IGSF21: variants seen among roughly 807,000 people sequenced by gnomAD.
IGSF21 encodes immunoglobulin superfamily member 21.
In IGSF21, 28 loss-of-function variants were observed where a neutral mutation model predicts 46.8. That is an observed-to-expected ratio of 0.60 (90% CI 0.44 to 0.82). The LOEUF is 0.82. Ranked by LOEUF, IGSF21 falls within the 40% of genes least tolerant of loss-of-function variation. The probability of loss-of-function intolerance (pLI) is 0.00; values close to 1 mark genes in which losing one functional copy is unlikely to be tolerated. For synonymous variants in IGSF21, 284 were observed against 273.6 expected, an observed-to-expected ratio of 1.04 and a Z score of -0.38; for missense variants, 624 against 665.5, an observed-to-expected ratio of 0.94 and a Z score of 0.69.
In IGSF21 at chr1:18,109,793, C is replaced by T. The variant is rs185252370; in HGVS notation, c.70+1595C>T. The T allele has an allele frequency of 5.3e-5, 8 of 152,380 alleles. No homozygotes were observed. The East Asian group carries it at 1.5e-3, about 30-fold the overall frequency. The allele number at this position is 152,380 out of a possible 1,614,324, so 9.4% of individuals were successfully genotyped here. A position where few individuals can be genotyped will look rare whatever the true frequency, so the allele number is the denominator to read the frequency against. ...ATGGGGGAGGTCCTCGTTCCAGCGC[C>T]GCCGAGAGGGCACTGGGGTTTGTTG... On this transcript the variant is annotated intron_variant, in intron 1 of 9. Transcript: ENST00000251296. This position sits in a 1 kb window ranked among gnomAD's most constrained non-coding sequence, Gnocchi z 4.8.
At chr1:18,212,850 G>GA (rs5772796) in intron 1 of IGSF21, among the ~76,000 whole-genome samples, 73,771 of 151,742 alleles carry the variant, frequency 0.49, 18,359 homozygotes, top group Non-Finnish European at 0.54. Flanking sequence ...CCAGGGTTAA[G>GA]AAAATGGGAA....
At chr1:18,166,955 T>G (rs1217514847) in intron 1 of IGSF21, 1 of 153,358 alleles carries the variant, frequency 6.5e-6, no homozygotes, top group Non-Finnish European at 1.5e-5. Context: ...CTCTGTCTAC[T>G]CGAGAGTTTC....
chr1:18,255,682 A>G (rs1380276643), intron 2 of IGSF21, among the ~76,000 whole-genome samples: 1 of 151,998 alleles, frequency 6.6e-6, no homozygotes, highest in Non-Finnish European at 1.5e-5. Context: ...ACACACATTG[A>G]GAGTCATCCT....
At chr1:18,129,826 C>T (rs1252444372) in intron 1 of IGSF21, among the ~76,000 whole-genome samples, 4 of 152,150 alleles carry the variant, frequency 2.6e-5, no homozygotes, top group Admixed American at 6.5e-5. Context: ...ACGCGGGCTC[C>T]ACACTCATGG....
intron 4 of IGSF21, among the ~76,000 whole-genome samples, chr1:18,353,427 T>C (rs2124622436): frequency 6.6e-6 from 1 of 152,222 alleles, no homozygotes; most frequent in East Asian, 1.9e-4. Flanking sequence ...GAGCAAATCC[T>C]GGTGTGCCAG....
At chr1:18,250,535 G>T (rs1052202128) in intron 2 of IGSF21, among the ~76,000 whole-genome samples, 1 of 152,098 alleles carries the variant, frequency 6.6e-6, no homozygotes, top group Non-Finnish European at 1.5e-5. Context: ...TCTTCTTTGT[G>T]CTGTCTCATA....
chr1:18,335,367 G>T lies in IGSF21; in HGVS notation c.424+357G>T, dbSNP rs372413117. 6.4e-4 allele frequency among the ~76,000 whole-genome samples: 97 copies of T among 152,344 alleles called. No homozygotes were observed. The highest frequency in any genetic ancestry group is 2.2e-3 in the African/African-American group (93 of 41,584). ...CAAAAGATTCTCCTGCACCTCCTGA[G>T]GCCTTAATGGAGAGGGCATAGGATC... On this transcript the variant is annotated intron_variant, in intron 4 of 9. Transcript: ENST00000251296. The surrounding 1 kb of genome is among the most constrained non-coding windows in gnomAD (Gnocchi z 4.8).
chr1:18,354,699 C>T (rs2085996513), intron 4 of IGSF21, among the ~76,000 whole-genome samples: 1 of 152,108 alleles, frequency 6.6e-6, no homozygotes, highest in South Asian at 2.1e-4. Context: ...TGCTAAGCAC[C>T]TTCGTAGAGT....
At chr1:18,176,139 A>C (rs535796156) in intron 1 of IGSF21, 1 of 152,214 alleles carries the variant, frequency 6.6e-6, no homozygotes, top group Non-Finnish European at 1.5e-5. Context: ...CCTGGTTGGG[A>C]ATCAGGCTTC....
chr1:18,359,370 G>GAAAGAA (rs2086062897), intron 4 of IGSF21, among the ~76,000 whole-genome samples: 1 of 103,216 alleles, frequency 9.7e-6, no homozygotes, highest in Non-Finnish European at 2.0e-5. Context: ...AAGAAAGAAA[G>GAAAGAA]AAAGAAAGAA....
At chr1:18,144,947 G>A (rs867559869) in intron 1 of IGSF21, among the ~76,000 whole-genome samples, 4 of 152,202 alleles carry the variant, frequency 2.6e-5, no homozygotes, top group African/African-American at 7.2e-5. Context: ...TATGATGGGT[G>A]AGTCCCGGGT....
intron 1 of IGSF21, among the ~76,000 whole-genome samples, chr1:18,172,126 G>A (rs1217096241): frequency 6.6e-6 from 1 of 152,192 alleles, no homozygotes; most frequent in Non-Finnish European, 1.5e-5. Context: ...GAGGGCCTGG[G>A]CTGATTAATT....
chr1:18,293,345 G>A (rs2085285126), intron 3 of IGSF21, among the ~76,000 whole-genome samples: 1 of 152,182 alleles, frequency 6.6e-6, no homozygotes, highest in Non-Finnish European at 1.5e-5. Flanking sequence ...ATTGTAAAGG[G>A]TAAGTCCAAC....
intron 6 of IGSF21, among the ~76,000 whole-genome samples, chr1:18,370,407 A>C (rs2086213319): frequency 6.6e-6 from 1 of 152,216 alleles, no homozygotes; most frequent in African/African-American, 2.4e-5. Context: ...GGCATAAGGA[A>C]AAATTAAACC....
rs1569809468 is a variant in IGSF21, at chr1:18,322,881, T to G, written c.306-12011T>G. On this transcript the variant is annotated intron_variant, in intron 3 of 9. Transcript: ENST00000251296. The surrounding 1 kb of genome is among the most constrained non-coding windows in gnomAD (Gnocchi z 4.3). ...GAAGAGCGGGAGATGTCGGAATGGG[T>G]GAAGGGGAGCGGGAAGCGATGGGCC... Among the ~76,000 whole-genome samples the G allele has an allele frequency of 1.3e-5, 2 of 151,076 alleles. No homozygotes were observed. The highest frequency in any genetic ancestry group is 6.6e-5 in the Admixed American group (1 of 15,186).
chr1:18,232,366 G>C (rs2084636890), intron 2 of IGSF21, among the ~76,000 whole-genome samples: 1 of 152,004 alleles, frequency 6.6e-6, no homozygotes, highest in African/African-American at 2.4e-5. Flanking sequence ...ATTTACATCT[G>C]TAACTGGGGA....
chr1:18,159,693 T>TC (rs2086599298), intron 1 of IGSF21, among the ~76,000 whole-genome samples: 1 of 151,150 alleles, frequency 6.6e-6, no homozygotes, highest in Non-Finnish European at 1.5e-5. Flanking sequence ...GTCTTTTTTT[T>TC]TTTTTTTGAG....
intron 2 of IGSF21, among the ~76,000 whole-genome samples, chr1:18,285,961 C>A (rs1336525543): frequency 2.0e-5 from 3 of 152,192 alleles, no homozygotes; most frequent in Non-Finnish European, 4.4e-5. Flanking sequence ...CACTCTTACG[C>A]ACTGAATTCT....
rs1436168416 is a variant in IGSF21, at chr1:18,290,679, A to G, written c.184-1187A>G. On this transcript the variant is annotated intron_variant, in intron 2 of 9. Transcript: ENST00000251296. The surrounding 1 kb of genome is among the most constrained non-coding windows in gnomAD (Gnocchi z 4.2). ...AGTCAGCTTGGGTACATATGTGTCC[A>G]GAGGAGCCCAGCTGTGTCTAGGGCC... Among the ~76,000 whole-genome samples, 3 of 152,200 alleles carry G rather than the reference A, an allele frequency of 2.0e-5. No homozygotes were observed. Among genetic ancestry groups the G allele is most frequent in the Non-Finnish European group, 1.5e-5 (1 of 68,032 alleles).
Sources: gnomAD v4.1 joint callset for allele counts (sites outside exome capture counted in the v4.1 genomes callset) on GRCh38, gnomAD v4.1.1 for gene constraint, Gnocchi (gnomAD v3.1) non-coding constraint, MANE v1.5 for transcripts, NCBI Gene and HGNC (gene_info 2026-07-23, HGNC 2026-07-21) for gene names.